EFCAB6: variants seen among roughly 807,000 people sequenced by gnomAD.
The protein encoded by EFCAB6 is EF-hand calcium binding domain 6, also known as EF-hand calcium-binding domain-containing protein 6.
Under a neutral mutation model 169.8 loss-of-function variants are expected in EFCAB6, and 156 were observed. The observed-to-expected ratio is 0.92, with a 90% CI of 0.81 to 1.05. The LOEUF (loss-of-function observed/expected upper bound fraction) is 1.05. Among genes scored for constraint, EFCAB6 ranks in the 50% least tolerant of loss-of-function variants. EFCAB6 has a pLI of 0.00. For missense variants in EFCAB6, 1,800 were observed against 1,829.1 expected (o/e 0.98, Z 0.29); for synonymous variants, 698 against 676.4 (o/e 1.03, Z -0.50).
At chr22:43,667,310 T>C in intron 16 of EFCAB6, 38 bp from the exon 17 acceptor site, 1 of 1,603,406 alleles carries the variant, frequency 6.2e-7, no homozygotes, top group Non-Finnish European at 8.5e-7. Context: ...CAGTGTCAAC[T>C]GACACACGCA....
At chr22:43,741,133 TAAG>T (rs1014345573) in intron 6 of EFCAB6, among the ~76,000 whole-genome samples, 4 of 152,062 alleles carry the variant, frequency 2.6e-5, no homozygotes, top group African/African-American at 9.7e-5. Context: ...GATGAAAAAG[TAAG>T]AAGAAGCAAT....
chr22:43,685,427 G>C (rs2058156499), intron 11 of EFCAB6, among the ~76,000 whole-genome samples: 1 of 152,210 alleles, frequency 6.6e-6, no homozygotes, highest in Non-Finnish European at 1.5e-5. Context: ...CTCCCTCGGA[G>C]CTGGGACATT....
chr22:43,787,534 C>T (rs74342361), intron 2 of EFCAB6, among the ~76,000 whole-genome samples: 2,698 of 152,130 alleles, frequency 0.018, 73 homozygotes, highest in African/African-American at 0.062. Context: ...AGATAAAATA[C>T]TTAGAAATAA....
At chr22:43,608,724 C>T in intron 21 of EFCAB6, 124 bp from the exon 22 acceptor site, 1 of 843,682 alleles carries the variant, frequency 1.2e-6, no homozygotes, top group South Asian at 1.6e-5. Flanking sequence ...CCTCCTTAAT[C>T]ACCTTTTAAT....
At chr22:43,722,646 G>A (rs1179700530) in intron 8 of EFCAB6, among the ~76,000 whole-genome samples, 1 of 152,174 alleles carries the variant, frequency 6.6e-6, no homozygotes, top group Non-Finnish European at 1.5e-5. Context: ...AAGCAGTTTG[G>A]AGATTTCTCA....
chr22:43,751,308 C>A (rs958477309), intron 6 of EFCAB6, among the ~76,000 whole-genome samples: 11 of 152,332 alleles, frequency 7.2e-5, no homozygotes, highest in Non-Finnish European at 1.5e-4. Flanking sequence ...TACAATGAGC[C>A]CTCACCTCAC....
intron 6 of EFCAB6, among the ~76,000 whole-genome samples, chr22:43,747,010 G>A (rs943625381): frequency 2.6e-5 from 4 of 152,214 alleles, no homozygotes; most frequent in African/African-American, 9.7e-5. Context: ...CCTCATGCAA[G>A]AGGATGCTGC....
At chr22:43,653,325 GA>G (rs977214179) in intron 17 of EFCAB6, among the ~76,000 whole-genome samples, 5 of 150,936 alleles carry the variant, frequency 3.3e-5, no homozygotes, top group Admixed American at 2.0e-4. Flanking sequence ...AGCTGCTAGA[GA>G]AAAAAAAGAC....
chr22:43,772,983 T>C lies in EFCAB6; in HGVS notation c.260A>G (p.Asn87Ser). Residue 87 changes from asparagine to serine, a missense_variant, in exon 4 of 32, where the codon AAC (asparagine) becomes AGC (serine). Coordinates refer to ENST00000262726, the MANE Select transcript of EFCAB6 (RefSeq NM_022785.4). ...KAFQLLDTGQ[N>S]LTVSKSELRR... ...CAGTTCACTTTTTGACACAGTCAAG[T>C]TCTGACCAGTATCCAGCAGCTGAAA... The C allele has an allele frequency of 1.2e-6, 2 of 1,614,234 alleles. No individual in the cohort carries two copies. Among genetic ancestry groups the C allele is most frequent in the Non-Finnish European group, 1.7e-6 (2 of 1,180,040 alleles).
At chr22:43,676,409 A>G (rs1055848227) in intron 13 of EFCAB6, among the ~76,000 whole-genome samples, 5 of 140,312 alleles carry the variant, frequency 3.6e-5, no homozygotes, top group African/African-American at 1.4e-4. Context: ...ACAGAGCAAG[A>G]CTCCGTCTCA....
At chr22:43,649,622 AAG>A (rs1242697226) in intron 17 of EFCAB6, among the ~76,000 whole-genome samples, 1 of 152,244 alleles carries the variant, frequency 6.6e-6, no homozygotes, top group Non-Finnish European at 1.5e-5. Flanking sequence ...TTAAAAATAA[AAG>A]AAATGAATGC....
chr22:43,653,456 C>T (rs779866304), intron 17 of EFCAB6, among the ~76,000 whole-genome samples: 1 of 152,040 alleles, frequency 6.6e-6, no homozygotes, highest in African/African-American at 2.4e-5. Flanking sequence ...AATGTTTTTC[C>T]CAGCTAAAAT....
intron 17 of EFCAB6, among the ~76,000 whole-genome samples, chr22:43,645,198 A>T (rs1306112474): frequency 6.6e-6 from 1 of 152,212 alleles, no homozygotes; most frequent in Non-Finnish European, 1.5e-5. Context: ...CTCCCTTCCC[A>T]ATAAAAATTC....
intron 10 of EFCAB6, among the ~76,000 whole-genome samples, chr22:43,699,171 G>C (rs1314643567): frequency 6.6e-6 from 1 of 152,122 alleles, no homozygotes; most frequent in Non-Finnish European, 1.5e-5. Flanking sequence ...CACGCAGGTG[G>C]GTTGCTTTAA....
At chr22:43,655,801 T>C (rs562070867) in intron 17 of EFCAB6, among the ~76,000 whole-genome samples, 2 of 152,258 alleles carry the variant, frequency 1.3e-5, no homozygotes, top group South Asian at 4.2e-4. Flanking sequence ...TAGAAAAGGA[T>C]ACGCCATGTG....
At chr22:43,725,513 G>A (rs1010801129) in intron 8 of EFCAB6, among the ~76,000 whole-genome samples, 3 of 152,198 alleles carry the variant, frequency 2.0e-5, no homozygotes, top group African/African-American at 4.8e-5. Context: ...GAGCCCTCAT[G>A]ACTCAGTCAC....
intron 7 of EFCAB6, among the ~76,000 whole-genome samples, chr22:43,732,372 G>A (rs1029417453): frequency 1.3e-5 from 2 of 151,138 alleles, no homozygotes; most frequent in African/African-American, 4.9e-5. Context: ...AGGAGGCAAA[G>A]TTTCTCTTGA....
intron 17 of EFCAB6, among the ~76,000 whole-genome samples, chr22:43,636,390 T>C (rs893565887): frequency 4.6e-5 from 7 of 152,138 alleles, no homozygotes; most frequent in African/African-American, 1.4e-4. Flanking sequence ...TCATGGTCAC[T>C]GCGCAGCACC....
Position 43,580,453 on chromosome 22 carries a change from GC to G in EFCAB6, c.3228+10del, listed in dbSNP as rs1214884276. On this transcript the variant is annotated intron_variant, in intron 25 of 31. Transcript: ENST00000262726. ...GAGTTTTCACAGTAAAGCACTTTCA[GC>G]CTGTCATACCGTGGACAAAGCCAGC... is the stretch of plus-strand genomic sequence containing the variant. 3 of 1,612,908 alleles carry G rather than the reference GC, an allele frequency of 1.9e-6. No homozygotes were observed. Among genetic ancestry groups the G allele is most frequent in the Non-Finnish European group, 1.7e-6 (2 of 1,179,518 alleles).
Sources: gnomAD v4.1 joint callset for allele counts (sites outside exome capture counted in the v4.1 genomes callset) on GRCh38, gnomAD v4.1.1 for gene constraint, MANE v1.5 for transcripts, NCBI Gene and HGNC (gene_info 2026-07-23, HGNC 2026-07-21) for gene names.